Variants in CPEB1 observed in about 807,000 individuals in gnomAD.
The protein encoded by CPEB1 is cytoplasmic polyadenylation element binding protein 1, also known as cytoplasmic polyadenylation element-binding protein 1.
A neutral mutation model predicts 65.8 loss-of-function variants in CPEB1; 7 were observed. The ratio of observed to expected loss-of-function variants is 0.11; its 90% CI spans 0.06 to 0.20. CPEB1 has a LOEUF of 0.20. Ranked by LOEUF, CPEB1 falls within the 10% of genes least tolerant of loss-of-function variation. The pLI, the probability that CPEB1 is intolerant of heterozygous loss-of-function variation, is 1.00. For synonymous variants in CPEB1, 262 were observed against 260.0 expected (o/e 1.01, Z -0.08); for missense variants, 551 against 712.2 (o/e 0.77, Z 2.58).
At chr15:82,570,571 A>G (rs2039871326) in intron 4 of CPEB1, among the ~76,000 whole-genome samples, 1 of 152,176 alleles carries the variant, frequency 6.6e-6, no homozygotes, top group Admixed American at 6.5e-5. Flanking sequence ...AGAGGGAAAT[A>G]AACAGGTAAC....
At chr15:82,585,373 G>T (rs117376882) in intron 3 of CPEB1, among the ~76,000 whole-genome samples, 1 of 152,178 alleles carries the variant, frequency 6.6e-6, no homozygotes, top group Non-Finnish European at 1.5e-5. Context: ...GCAAAGTCTG[G>T]ACATTCCAGC....
chr15:82,611,238 TCA>T (rs1410890172), intron 3 of CPEB1, among the ~76,000 whole-genome samples: 1 of 151,652 alleles, frequency 6.6e-6, no homozygotes, highest in Non-Finnish European at 1.5e-5. Context: ...TCCTAAGAAA[TCA>T]CACACACAAA....
At chr15:82,646,574 CCAGGGCTG>C (rs2047553069) in intron 1 of CPEB1, among the ~76,000 whole-genome samples, 1 of 152,184 alleles carries the variant, frequency 6.6e-6, no homozygotes, top group African/African-American at 2.4e-5. Context: ...GTGCAAGGGG[CCAGGGCTG>C]CAGGGAGCAA....
intron 3 of CPEB1, among the ~76,000 whole-genome samples, chr15:82,626,952 T>C (rs2045831445): frequency 6.6e-6 from 1 of 152,254 alleles, no homozygotes; most frequent in African/African-American, 2.4e-5. Context: ...GTGTAATCTG[T>C]GACCTTTTCT....
chr15:82,593,110 T>C (rs967038396), intron 3 of CPEB1, among the ~76,000 whole-genome samples: 10 of 152,242 alleles, frequency 6.6e-5, no homozygotes, highest in East Asian at 1.9e-4. Flanking sequence ...AGGGTGGTGG[T>C]TGCTGAAGGC....
chr15:82,643,491 T>G (rs1275527451), intron 1 of CPEB1, among the ~76,000 whole-genome samples: 3 of 151,806 alleles, frequency 2.0e-5, no homozygotes, highest in Non-Finnish European at 4.4e-5. Context: ...TAGCCGGGCG[T>G]GGTGGCGCGT....
At chr15:82,605,316 C>T (rs1596093387) in intron 3 of CPEB1, among the ~76,000 whole-genome samples, 1 of 152,244 alleles carries the variant, frequency 6.6e-6, no homozygotes, top group East Asian at 1.9e-4. Flanking sequence ...AAAAAGATAA[C>T]TACATAGGTA....
At chr15:82,625,559 C>G (rs1163541253) in intron 3 of CPEB1, among the ~76,000 whole-genome samples, 2 of 152,202 alleles carry the variant, frequency 1.3e-5, no homozygotes, top group African/African-American at 4.8e-5. Context: ...AAAATCCGCA[C>G]ATACTCAAGT....
chr15:82,545,348 A>T (rs1217286397), intron 12 of CPEB1, among the ~76,000 whole-genome samples: 2 of 152,208 alleles, frequency 1.3e-5, no homozygotes, highest in Non-Finnish European at 2.9e-5. Flanking sequence ...CCTCAGTTTA[A>T]CCATATTCAG....
In CPEB1 at chr15:82,603,236, T is replaced by C. The variant is rs2264591; in HGVS notation, c.271+23957A>G. On this transcript the variant is annotated intron_variant, in intron 3 of 12. Transcript: ENST00000684509. ...GTTGGAGCTCAAGCCCCATCCTCAA[T>C]GAATTGTCATTACTTGACCTTTTAC... Among the ~76,000 whole-genome samples the C allele has an allele frequency of 6.6e-3, 1,005 of 151,868 alleles. 8 individuals carry two copies. Among genetic ancestry groups the C allele is most frequent in the Middle Eastern group, 0.041 (12 of 292 alleles).
At chr15:82,571,653 GC>G in intron 3 of CPEB1, 121 bp from the exon 4 acceptor site, 1 of 1,457,996 alleles carries the variant, frequency 6.9e-7, no homozygotes, top group Non-Finnish European at 9.0e-7. Flanking sequence ...ATCCAAGCTG[GC>G]TGGATGCTGC....
chr15:82,629,796 G>C (rs1271227783), intron 1 of CPEB1: 1 of 985,208 alleles, frequency 1.0e-6, no homozygotes, highest in Non-Finnish European at 1.2e-6. Flanking sequence ...ATTTTGTTTG[G>C]CCTACTAAAA....
In CPEB1 at chr15:82,543,431, A is replaced by G. The variant is rs1461137253; in HGVS notation, c.*1161T>C. 1.3e-5 allele frequency: 2 copies of G among 150,248 alleles called. No homozygotes were observed. Among genetic ancestry groups the G allele is most frequent in the African/African-American group, 2.5e-5 (1 of 40,666 alleles). The allele number at this position is 150,248 out of a possible 1,614,324, so 9.3% of individuals were successfully genotyped here. ...GCACACAGCTTCCCTAGGAGGGGCA[A>G]GTAGTTTTTGTGGGTTTTTTGTTTC... On this transcript the variant is annotated 3_prime_UTR_variant, in exon 13 of 13. Coordinates refer to ENST00000684509, the MANE Select transcript of CPEB1 (RefSeq NM_001365242.1).
intron 1 of CPEB1, among the ~76,000 whole-genome samples, chr15:82,635,277 GTCAT>G (rs1297277812): frequency 6.6e-6 from 1 of 152,194 alleles, no homozygotes; most frequent in African/African-American, 2.4e-5. Flanking sequence ...TTAGAGAAAT[GTCAT>G]TCAGACCACA....
chr15:82,599,273 A>G (rs185339787), intron 3 of CPEB1, among the ~76,000 whole-genome samples: 5 of 152,326 alleles, frequency 3.3e-5, no homozygotes, highest in Admixed American at 3.3e-4. Flanking sequence ...TAGGCTCTTC[A>G]CTCATACCAT....
intron 3 of CPEB1, among the ~76,000 whole-genome samples, chr15:82,580,319 TAA>T (rs370232078): frequency 1.4e-4 from 19 of 133,448 alleles, no homozygotes; most frequent in Admixed American, 1.5e-4. Context: ...GACTCTGTCT[TAA>T]AAAAAAAAAA....
intron 3 of CPEB1, chr15:82,573,016 G>A (rs147152944): frequency 3.3e-5 from 50 of 1,531,190 alleles, no homozygotes; most frequent in Non-Finnish European, 4.3e-5. Flanking sequence ...GCTCAAACCT[G>A]GACTCAGCTG....
At chr15:82,577,851 C>T (rs1032700728) in intron 3 of CPEB1, among the ~76,000 whole-genome samples, 1 of 151,674 alleles carries the variant, frequency 6.6e-6, no homozygotes, top group African/African-American at 2.4e-5. Context: ...ATTGATAAAG[C>T]TATATTGGGC....
At chr15:82,573,951 AAAG>A (rs1380410587) in intron 3 of CPEB1, among the ~76,000 whole-genome samples, 2 of 152,196 alleles carry the variant, frequency 1.3e-5, no homozygotes, top group Admixed American at 1.3e-4. Flanking sequence ...CCTGGGCGAC[AAAG>A]TAGTTCCCAT....
Sources: gnomAD v4.1 joint callset for allele counts (sites outside exome capture counted in the v4.1 genomes callset) on GRCh38, gnomAD v4.1.1 for gene constraint, MANE v1.5 for transcripts, NCBI Gene and HGNC (gene_info 2026-07-23, HGNC 2026-07-21) for gene names.